Variants in PCTP observed in about 807,000 individuals in gnomAD.
The protein encoded by PCTP is phosphatidylcholine transfer protein, also known as START domain-containing protein 2.
A neutral mutation model predicts 31.0 loss-of-function variants in PCTP; 27 were observed. The ratio of observed to expected loss-of-function variants is 0.87; its 90% CI spans 0.64 to 1.20. The LOEUF (loss-of-function observed/expected upper bound fraction) is 1.20. Among genes scored for constraint, PCTP ranks in the 50% most tolerant of loss-of-function variants. The pLI, the probability that PCTP is intolerant of heterozygous loss-of-function variation, is 0.00. For missense variants in PCTP, 287 were observed against 268.2 expected (o/e 1.07, Z -0.49); for synonymous variants, 108 against 101.2 (o/e 1.07, Z -0.40).
intron 3 of PCTP, among the ~76,000 whole-genome samples, chr17:55,796,182 A>G (rs1912182039): frequency 6.6e-6 from 1 of 152,074 alleles, no homozygotes; most frequent in Non-Finnish European, 1.5e-5. Context: ...GTAATAATAA[A>G]TAAATCTGAA....
the PCTP span, among the ~76,000 whole-genome samples, chr17:55,851,048 A>AT: frequency 5.9e-5 from 9 of 152,234 alleles, no homozygotes; most frequent in African/African-American, 2.2e-4. Flanking sequence ...ATGGAAACCA[A>AT]TATCTTCTCA....
intron 5 of PCTP, chr17:55,775,742 CT>C: frequency 7.9e-7 from 1 of 1,258,192 alleles, no homozygotes; most frequent in Non-Finnish European, 1.0e-6. Flanking sequence ...AAGCCCATTT[CT>C]TGTGTTTTCT....
chr17:55,827,713 C>T (rs1159238911), downstream of PCTP, among the ~76,000 whole-genome samples: 1 of 152,150 alleles, frequency 6.6e-6, no homozygotes, highest in Admixed American at 6.5e-5. Flanking sequence ...ATCCCATGTT[C>T]CTGGTAAGAA....
In PCTP at chr17:55,776,648, G is replaced by A; in HGVS notation, c.*548G>A. 7 of 1,229,238 alleles carry A rather than the reference G, an allele frequency of 5.7e-6. No homozygotes were observed. Among genetic ancestry groups the A allele is most frequent in the Non-Finnish European group, 7.1e-6 (7 of 986,932 alleles). 76.1% of individuals were successfully genotyped at this position (1,229,238 alleles called of 1,614,324 possible). ...AATGTCCATTTGCCTTATGCTTTGT[G>A]GAGCTGATTAGGCTGGGATTTGAGG... is the stretch of plus-strand genomic sequence containing the variant. On this transcript the variant is annotated 3_prime_UTR_variant, in exon 6 of 6. Coordinates refer to ENST00000268896, the MANE Select transcript of PCTP (RefSeq NM_021213.4).
chr17:55,763,238 C>T (rs985496248), intron 1 of PCTP, among the ~76,000 whole-genome samples: 6 of 151,990 alleles, frequency 3.9e-5, no homozygotes, highest in African/African-American at 1.4e-4. Flanking sequence ...AAAAGTTTTG[C>T]CAAATAAGTT....
chr17:55,834,137 C>G (rs898819057), intron 5 of PCTP, among the ~76,000 whole-genome samples: 2 of 152,110 alleles, frequency 1.3e-5, no homozygotes, highest in African/African-American at 4.8e-5. Context: ...CCCCTACTTT[C>G]CTCTTGTATC....
chr17:55,769,752 A>C (rs1347181110), intron 2 of PCTP: 1 of 152,240 alleles, frequency 6.6e-6, no homozygotes, highest in Non-Finnish European at 1.5e-5. Flanking sequence ...CCATCCCTGA[A>C]TTCGTCACCA....
At chr17:55,763,298 G>A (rs980016717) in intron 1 of PCTP, among the ~76,000 whole-genome samples, 13 of 152,100 alleles carry the variant, frequency 8.5e-5, no homozygotes, top group Non-Finnish European at 1.6e-4. Flanking sequence ...CCCAACGCTG[G>A]TGAGATGCTC....
chr17:55,786,656 T>C (rs1259491913), intron 2 of PCTP, among the ~76,000 whole-genome samples: 1 of 152,240 alleles, frequency 6.6e-6, no homozygotes, highest in Non-Finnish European at 1.5e-5. Flanking sequence ...TCTATCTCTT[T>C]GGGTGTAAGT....
At chr17:55,830,489 C>T (rs1019680627) in intron 5 of PCTP, among the ~76,000 whole-genome samples, 3 of 152,058 alleles carry the variant, frequency 2.0e-5, no homozygotes, top group African/African-American at 7.2e-5. Flanking sequence ...CTGCTTGCTA[C>T]ACAAAAAGTG....
intron 2 of PCTP, chr17:55,770,478 T>TA (rs1417102375): frequency 1.3e-5 from 2 of 152,230 alleles, no homozygotes; most frequent in African/African-American, 2.4e-5. Flanking sequence ...ATCCTGAATT[T>TA]AAAACCTCTG....
intron 1 of PCTP, among the ~76,000 whole-genome samples, chr17:55,755,798 A>G (rs1479054792): frequency 6.6e-6 from 1 of 152,230 alleles, no homozygotes; most frequent in Non-Finnish European, 1.5e-5. Context: ...ATGCTGTCAT[A>G]TAAGTTTTCA....
intron 2 of PCTP, among the ~76,000 whole-genome samples, chr17:55,784,818 A>G (rs1266214167): frequency 7.2e-5 from 11 of 152,238 alleles, no homozygotes; most frequent in Non-Finnish European, 1.6e-4. Context: ...AAAAAATTCC[A>G]TATTACTTAC....
intron 3 of PCTP, among the ~76,000 whole-genome samples, chr17:55,802,530 G>C (rs1912420640): frequency 6.6e-6 from 1 of 152,196 alleles, no homozygotes; most frequent in South Asian, 2.1e-4. Flanking sequence ...CCATGGTCAA[G>C]TCGGCTTTAT....
At chr17:55,847,718 A>G (rs1204604188), downstream of PCTP, among the ~76,000 whole-genome samples, 6 of 152,118 alleles carry the variant, frequency 3.9e-5, no homozygotes, top group East Asian at 1.2e-3. Flanking sequence ...CCAAAGACTA[A>G]TGTCTCTGTT....
At chr17:55,790,135 G>T (rs902651201) in intron 3 of PCTP, among the ~76,000 whole-genome samples, 1 of 152,112 alleles carries the variant, frequency 6.6e-6, no homozygotes, top group Middle Eastern at 3.2e-3. Flanking sequence ...AATAAATTAG[G>T]TATTGATGGC....
At chr17:55,824,890 C>A (rs1905348401), downstream of PCTP, among the ~76,000 whole-genome samples, 1 of 152,128 alleles carries the variant, frequency 6.6e-6, no homozygotes, top group African/African-American at 2.4e-5. Context: ...CAATCTTTTT[C>A]TTTCATCTTT....
intron 3 of PCTP, 45 bp from the exon 4 acceptor site, chr17:55,773,679 G>A (rs1276068776): frequency 1.3e-6 from 2 of 1,563,930 alleles, no homozygotes; most frequent in Non-Finnish European, 8.7e-7. Context: ...CCTTCTGTCT[G>A]TCTACAATGC....
intron 3 of PCTP, among the ~76,000 whole-genome samples, chr17:55,810,631 A>G (rs1209236787): frequency 6.6e-6 from 1 of 152,208 alleles, no homozygotes; most frequent in African/African-American, 2.4e-5. Context: ...CTGTTTACCC[A>G]TATCCAGTTC....
Sources: allele counts gnomAD v4.1 joint callset (sites outside exome capture counted in the v4.1 genomes callset), GRCh38; gene constraint gnomAD v4.1.1; transcripts MANE v1.5; gene names NCBI Gene and HGNC (gene_info 2026-07-23, HGNC 2026-07-21).